The following SETBP1 variants were observed in gnomAD, a reference collection of about 807,000 sequenced individuals.
SETBP1 encodes the protein SET binding protein 1.
SETBP1 carries 9 observed loss-of-function variants against 101.0 expected under a neutral mutation model. That is an observed-to-expected ratio of 0.09 (90% CI 0.05 to 0.16). The LOEUF (loss-of-function observed/expected upper bound fraction) is 0.16. Among genes scored for constraint, SETBP1 ranks in the 10% least tolerant of loss-of-function variants. SETBP1 has a pLI of 1.00. For missense variants in SETBP1, 1,858 were observed against 2,033.8 expected (o/e 0.91, Z 1.66); for synonymous variants, 818 against 788.5 (o/e 1.04, Z -0.63).
intron 2 of SETBP1, among the ~76,000 whole-genome samples, chr18:44,787,391 C>T (rs376178740): frequency 6.6e-6 from 1 of 152,098 alleles, no homozygotes; most frequent in Non-Finnish European, 1.5e-5. Flanking sequence ...GAGGCAGGCT[C>T]CAGGAACCCT....
At chr18:44,829,109 T>C (rs1222696645) in intron 2 of SETBP1, among the ~76,000 whole-genome samples, 1 of 152,178 alleles carries the variant, frequency 6.6e-6, no homozygotes, top group Non-Finnish European at 1.5e-5. Flanking sequence ...TTCCCTAAGG[T>C]CAATCTCCAT....
At chr18:44,740,386 C>A (rs2070069496) in intron 2 of SETBP1, among the ~76,000 whole-genome samples, 1 of 152,200 alleles carries the variant, frequency 6.6e-6, no homozygotes, top group African/African-American at 2.4e-5. Flanking sequence ...GCTGGCACTC[C>A]TTAACACTTG....
intron 2 of SETBP1, among the ~76,000 whole-genome samples, chr18:44,756,329 T>C (rs2144563239): frequency 6.6e-6 from 1 of 152,318 alleles, no homozygotes; most frequent in South Asian, 2.1e-4. Context: ...TGAGAAGTGC[T>C]ATGCGGTTTT....
chr18:45,030,644 A>T (rs7229247), intron 4 of SETBP1, among the ~76,000 whole-genome samples: 48,787 of 147,688 alleles, frequency 0.33, 9,272 homozygotes, highest in Middle Eastern at 0.43. Flanking sequence ...CTGGTCCTGG[A>T]CTCTTTTTGG....
chr18:44,851,428 T>C (rs998538086), intron 2 of SETBP1, among the ~76,000 whole-genome samples: 5 of 152,194 alleles, frequency 3.3e-5, no homozygotes, highest in Admixed American at 6.5e-5. Context: ...ACTCAGAAAG[T>C]TACCAGAAGT....
chr18:44,875,596 T>C (rs749839808), intron 3 of SETBP1, among the ~76,000 whole-genome samples: 3 of 148,640 alleles, frequency 2.0e-5, no homozygotes, highest in Non-Finnish European at 4.5e-5. Context: ...GCACTGAGCC[T>C]CGTTAGACTC....
intron 3 of SETBP1, among the ~76,000 whole-genome samples, chr18:44,912,130 T>A (rs1016960152): frequency 3.3e-5 from 5 of 152,218 alleles, no homozygotes; most frequent in African/African-American, 1.2e-4. Context: ...AGGTTTATTA[T>A]AAGAGTCTTT....
chr18:44,946,490 T>TA (rs1266647582), intron 3 of SETBP1, among the ~76,000 whole-genome samples: 1 of 152,192 alleles, frequency 6.6e-6, no homozygotes, highest in Non-Finnish European at 1.5e-5. Context: ...GAACTAACAG[T>TA]AAAAATTGCA....
intron 3 of SETBP1, chr18:44,869,865 G>C (rs949575267): frequency 5.6e-6 from 1 of 177,332 alleles, no homozygotes; most frequent in African/African-American, 2.4e-5. Flanking sequence ...TTTTTGCAGG[G>C]GTGAAAATGG....
At chr18:44,877,068 CT>C in intron 3 of SETBP1, 3 of 1,055,150 alleles carry the variant, frequency 2.8e-6, no homozygotes, top group Non-Finnish European at 2.3e-6. Flanking sequence ...CTCTCTAGGC[CT>C]TTTTTCTAGC....
intron 2 of SETBP1, among the ~76,000 whole-genome samples, chr18:44,783,616 A>G (rs1196501652): frequency 6.6e-6 from 1 of 152,238 alleles, no homozygotes; most frequent in Non-Finnish European, 1.5e-5. Context: ...ACAAATGACA[A>G]GGGTAATGAT....
At chr18:44,880,599 G>A (rs748996819) in intron 3 of SETBP1, among the ~76,000 whole-genome samples, 4 of 152,202 alleles carry the variant, frequency 2.6e-5, no homozygotes, top group Non-Finnish European at 4.4e-5. Context: ...AGGAAGCGTG[G>A]TGCTGGAATC....
chr18:44,718,292 C>T (rs1022944514), intron 2 of SETBP1, among the ~76,000 whole-genome samples: 2 of 152,188 alleles, frequency 1.3e-5, no homozygotes, highest in Non-Finnish European at 2.9e-5. Flanking sequence ...CCCTCATGCT[C>T]AGCCCTGCCA....
intron 2 of SETBP1, among the ~76,000 whole-genome samples, chr18:44,785,637 C>T (rs2071224875): frequency 6.6e-6 from 1 of 152,188 alleles, no homozygotes. Flanking sequence ...CATTAGAGAA[C>T]AAGTGTTATT....
At chr18:44,714,579 C>A (rs1568105139) in intron 2 of SETBP1, among the ~76,000 whole-genome samples, 2 of 151,658 alleles carry the variant, frequency 1.3e-5, no homozygotes, top group Admixed American at 6.6e-5. Context: ...TAGTTAGAAA[C>A]ATCTGAAATC....
chr18:45,053,543 A>C (rs1030391438), intron 5 of SETBP1, among the ~76,000 whole-genome samples: 1 of 152,234 alleles, frequency 6.6e-6, no homozygotes, highest in East Asian at 1.9e-4. Context: ...TGTCCTGGTC[A>C]ATATGTTTTC....
At chr18:44,940,427 G>A (rs55713065) in intron 3 of SETBP1, among the ~76,000 whole-genome samples, 17,644 of 151,892 alleles carry the variant, frequency 0.12, 1,197 homozygotes, top group East Asian at 0.28. Context: ...TGTATTTTCT[G>A]TTTTTCCCAT....
intron 4 of SETBP1, among the ~76,000 whole-genome samples, chr18:44,972,003 GT>G (rs1185135377): frequency 6.6e-6 from 1 of 152,142 alleles, no homozygotes; most frequent in East Asian, 1.9e-4. Flanking sequence ...GGTTTTTATG[GT>G]TTTAGGTCTA....
In SETBP1 at chr18:45,063,432, A is replaced by T; in HGVS notation, c.4525A>T (p.Ile1509Phe). ...AASQDTIMAT[I>F]EAVIHMAREA... ...CAGCCAAGACACCATCATGGCCACC[A>T]TCGAGGCGGTCATCCACATGGCCCG... The change falls in exon 6 of 6, where the codon ATC becomes TTC. Residue 1509 changes from isoleucine to phenylalanine, a missense_variant. Ile to Phe is a conservative substitution (Grantham distance 21). Around this residue, in one of 12 missense-constraint regions of SETBP1, gnomAD observed 178 missense variants for 189.1 expected, o/e 0.94. Transcript: ENST00000649279. The T allele has an allele frequency of 6.6e-7, 1 of 1,505,116 alleles. No individual in the cohort carries two copies. Among genetic ancestry groups the T allele is most frequent in the South Asian group, 1.3e-5 (1 of 75,910 alleles). 93.2% of individuals were successfully genotyped at this position (1,505,116 alleles called of 1,614,324 possible).
Sources: allele counts gnomAD v4.1 joint callset (sites outside exome capture counted in the v4.1 genomes callset), GRCh38; gene constraint gnomAD v4.1.1; regional missense constraint gnomAD v4.1.1; transcripts MANE v1.5; gene names NCBI Gene and HGNC (gene_info 2026-07-23, HGNC 2026-07-21).